Variants in DENND2B observed in about 807,000 individuals in gnomAD.
DENND2B encodes DENN domain containing 2B, also known as DENN domain-containing protein 2B.
Under a neutral mutation model 116.0 loss-of-function variants are expected in DENND2B, and 32 were observed. The ratio of observed to expected loss-of-function variants is 0.28; its 90% CI spans 0.21 to 0.37. The LOEUF (loss-of-function observed/expected upper bound fraction) is 0.37, where lower values mean the gene tolerates loss of function less well. DENND2B is among the 10% of genes least tolerant of loss of function. The probability of loss-of-function intolerance (pLI) is 1.00; values close to 1 mark genes in which losing one functional copy is unlikely to be tolerated. For missense variants in DENND2B, 1,276 were observed against 1,477.7 expected, an observed-to-expected ratio of 0.86 and a Z score of 2.24; for synonymous variants, 588 against 583.9, an observed-to-expected ratio of 1.01 and a Z score of -0.10.
intron 4 of DENND2B, chr11:8,839,225 A>C (rs1045859486): frequency 6.6e-6 from 1 of 152,266 alleles, no homozygotes; most frequent in Non-Finnish European, 1.5e-5. Context: ...AAGGGACCCG[A>C]ACAAGGATCT....
chr11:8,767,636 C>T (rs773499166), intron 1 of DENND2B, among the ~76,000 whole-genome samples: 4 of 152,122 alleles, frequency 2.6e-5, no homozygotes, highest in Non-Finnish European at 5.9e-5. Flanking sequence ...TCTTGTGAAG[C>T]TGCTGCTATT....
At chr11:8,828,803 G>C (rs1330463598) in intron 4 of DENND2B, among the ~76,000 whole-genome samples, 3 of 152,192 alleles carry the variant, frequency 2.0e-5, no homozygotes, top group Non-Finnish European at 4.4e-5. Context: ...CCCAAGAGGG[G>C]AAGCTGCTCC....
Position 8,849,196 on chromosome 11 carries a change from G to A in DENND2B, c.-156+8147C>T, listed in dbSNP as rs371113085. Among the ~76,000 whole-genome samples the A allele has an allele frequency of 1.4e-4, 22 of 152,200 alleles. No individual in the cohort carries two copies. The South Asian group carries it at 1.5e-3, about 10-fold the overall frequency. ...TGCTAAGCACTAGGGATACAAAGGTGAAGAGAATACTACAGGCCGGGCGCG... is the reference window on the plus strand; with the variant it reads ...TGCTAAGCACTAGGGATACAAAGGTAAAGAGAATACTACAGGCCGGGCGCG... On this transcript the variant is annotated intron_variant, in intron 3 of 6. Transcript: ENST00000524757.
At chr11:8,826,129 C>G (rs988638984) in intron 4 of DENND2B, among the ~76,000 whole-genome samples, 22 of 152,190 alleles carry the variant, frequency 1.4e-4, no homozygotes, top group African/African-American at 2.2e-4. Flanking sequence ...TTTATCCCCA[C>G]GGAGTCATCT....
intron 1 of DENND2B, among the ~76,000 whole-genome samples, chr11:8,904,604 T>C (rs1233408193): frequency 1.2e-4 from 18 of 152,290 alleles, no homozygotes; most frequent in East Asian, 1.9e-4. Context: ...GAAGTCCTGA[T>C]TGAAAAGAAA....
At chr11:8,771,670 A>G (rs1461709392) in intron 1 of DENND2B, 4 of 151,802 alleles carry the variant, frequency 2.6e-5, no homozygotes, top group African/African-American at 7.3e-5. Context: ...TCCCTCTACC[A>G]TACCTGAATT....
intron 1 of DENND2B, among the ~76,000 whole-genome samples, chr11:8,898,243 C>A (rs2064126381): frequency 6.6e-6 from 1 of 152,026 alleles, no homozygotes; most frequent in South Asian, 2.1e-4. Flanking sequence ...AAAATAAAAC[C>A]AAATTGGGCA....
In DENND2B at chr11:8,807,974, C is replaced by T. The variant is rs762286326; in HGVS notation, c.-26+2543G>A. On this transcript the variant is annotated intron_variant, in intron 1 of 19. Transcript: ENST00000313726. ...CGCTCTAGTATGCCATACGCCCTTT[C>T]GACTCAATGAGGACAGACCTGGGAC... 1.6e-3 allele frequency: 238 copies of T among 152,258 alleles called. 1 individual carries two copies. Among genetic ancestry groups the T allele is most frequent in the Non-Finnish European group, 2.2e-3 (152 of 68,090 alleles). 9.4% of individuals were successfully genotyped at this position (152,258 alleles called of 1,614,324 possible). A position where few individuals can be genotyped will look rare whatever the true frequency, so the allele number is the denominator to read the frequency against.
chr11:8,888,269 G>C (rs2742536), intron 1 of DENND2B, among the ~76,000 whole-genome samples: 71,290 of 151,910 alleles, frequency 0.47, 17,286 homozygotes, highest in South Asian at 0.66. Flanking sequence ...GCTGGAGCCA[G>C]GATGGGCAAA....
In DENND2B at chr11:8,693,733, C is replaced by CT. The variant is rs2039820547; in HGVS notation, c.*362_*363insA. ...GGGGACCTCAGGCAGGCAGGCAGGC[C>CT]GAAGGCCTCCAGGGAAGATCAGTGG... On this transcript the variant is annotated 3_prime_UTR_variant, in exon 20 of 20. Transcript: ENST00000313726. 1.6e-5 allele frequency: 3 copies of CT among 192,648 alleles called. No homozygotes were observed. Among genetic ancestry groups the CT allele is most frequent in the Non-Finnish European group, 2.0e-5 (2 of 98,448 alleles). 11.9% of individuals were successfully genotyped at this position (192,648 alleles called of 1,614,324 possible).
At chr11:8,708,024 A>G in intron 11 of DENND2B, 170 bp from the exon 12 acceptor site, 1 of 1,524,482 alleles carries the variant, frequency 6.6e-7, no homozygotes, top group Non-Finnish European at 8.8e-7. Flanking sequence ...AGGAACAGCC[A>G]CCACTCTCAG....
intron 8 of DENND2B, 91 bp downstream of exon 8, chr11:8,713,907 G>T: frequency 7.0e-7 from 1 of 1,423,458 alleles, no homozygotes; most frequent in Non-Finnish European, 9.9e-7. Flanking sequence ...GCCGGTTAGG[G>T]ACACTGGAAC....
At chr11:8,752,405 T>C (rs2052690126) in intron 1 of DENND2B, among the ~76,000 whole-genome samples, 1 of 151,584 alleles carries the variant, frequency 6.6e-6, no homozygotes, top group South Asian at 2.1e-4. Flanking sequence ...TGAGCCAAGA[T>C]TGCACCACTG....
At chr11:8,877,853 A>G (rs2455601) in intron 2 of DENND2B, among the ~76,000 whole-genome samples, 111,374 of 152,080 alleles carry the variant, frequency 0.73, 43,157 homozygotes, top group Non-Finnish European at 0.87. Flanking sequence ...TCACAAAACT[A>G]TTTTTGACAC....
intron 2 of DENND2B, among the ~76,000 whole-genome samples, chr11:8,739,629 G>A (rs1316655185): frequency 6.6e-6 from 1 of 152,272 alleles, no homozygotes; most frequent in Non-Finnish European, 1.5e-5. Flanking sequence ...GGGCACTTGT[G>A]CCGTGGCCTT....
At chr11:8,791,853 T>A (rs1249107333) in intron 1 of DENND2B, among the ~76,000 whole-genome samples, 1 of 152,198 alleles carries the variant, frequency 6.6e-6, no homozygotes, top group African/African-American at 2.4e-5. Context: ...GTTCACAAAT[T>A]TTTAGTAAAG....
chr11:8,846,561 G>A (rs1489645537), intron 3 of DENND2B, among the ~76,000 whole-genome samples: 3 of 152,128 alleles, frequency 2.0e-5, no homozygotes, highest in Non-Finnish European at 2.9e-5. Context: ...CTACAGATGG[G>A]AACAAATGAA....
At chr11:8,850,612 T>C (rs374892429) in intron 3 of DENND2B, among the ~76,000 whole-genome samples, 13 of 152,260 alleles carry the variant, frequency 8.5e-5, no homozygotes, top group African/African-American at 3.1e-4. Context: ...GAAAACAGCA[T>C]GGAGATTTCT....
intron 3 of DENND2B, among the ~76,000 whole-genome samples, chr11:8,854,721 T>A (rs1357098165): frequency 6.6e-6 from 1 of 151,844 alleles, no homozygotes; most frequent in Non-Finnish European, 1.5e-5. Flanking sequence ...ATAAATTATT[T>A]TTCTTTTTCC....
Sources: gnomAD v4.1 joint callset for allele counts (sites outside exome capture counted in the v4.1 genomes callset) on GRCh38, gnomAD v4.1.1 for gene constraint, MANE v1.5 for transcripts, NCBI Gene and HGNC (gene_info 2026-07-23, HGNC 2026-07-21) for gene names.